AUTS2: variants seen among roughly 807,000 people sequenced by gnomAD.
AUTS2 encodes autism susceptibility gene 2 protein.
AUTS2 carries 17 observed loss-of-function variants against 112.4 expected under a neutral mutation model. The ratio of observed to expected loss-of-function variants is 0.15; its 90% CI spans 0.10 to 0.23. The LOEUF is 0.23. AUTS2 is among the 10% of genes least tolerant of loss of function. The pLI is 1.00. For synonymous variants in AUTS2, 751 were observed against 702.7 expected (o/e 1.07, Z -1.09); for missense variants, 1,510 against 1,701.6 (o/e 0.89, Z 1.98).
chr7:70,680,084 T>C (rs558971203), intron 5 of AUTS2, among the ~76,000 whole-genome samples: 3 of 152,166 alleles, frequency 2.0e-5, no homozygotes, highest in South Asian at 2.1e-4. Flanking sequence ...TGACATTTCA[T>C]TGGCTTATCA....
intron 4 of AUTS2, chr7:70,293,377 T>A (rs1442061518): frequency 1.3e-5 from 2 of 152,186 alleles, no homozygotes; most frequent in African/African-American, 2.4e-5. Flanking sequence ...TTTTTCTGGT[T>A]TATCAGTTTA....
chr7:70,609,308 G>A (rs1183783610), intron 5 of AUTS2, among the ~76,000 whole-genome samples: 2 of 151,240 alleles, frequency 1.3e-5, no homozygotes, highest in East Asian at 3.9e-4. Context: ...AGATCATGTA[G>A]TATTTATCTT....
intron 4 of AUTS2, 74 bp from the exon 5 acceptor site, chr7:70,435,678 G>C (rs982599770): frequency 6.9e-7 from 1 of 1,456,814 alleles, no homozygotes; most frequent in African/African-American, 1.4e-5. Flanking sequence ...TATGGGGGTT[G>C]GGGGAGGAGG....
chr7:69,957,055 T>C (rs1797242390), intron 2 of AUTS2, among the ~76,000 whole-genome samples: 1 of 150,444 alleles, frequency 6.6e-6, no homozygotes, highest in Admixed American at 6.6e-5. Flanking sequence ...TCTTTCTTTT[T>C]TTTTTTTTTT....
chr7:69,666,416 T>A (rs1260275724), intron 1 of AUTS2, among the ~76,000 whole-genome samples: 1 of 152,210 alleles, frequency 6.6e-6, no homozygotes, highest in Non-Finnish European at 1.5e-5. Flanking sequence ...CTATTACTCT[T>A]TTGCTTGGTG....
chr7:70,335,094 T>C (rs1790928845), intron 4 of AUTS2, among the ~76,000 whole-genome samples: 1 of 152,134 alleles, frequency 6.6e-6, no homozygotes, highest in African/African-American at 2.4e-5. Flanking sequence ...AAAGTTGTTA[T>C]GATGTGTGGG....
intron 5 of AUTS2, among the ~76,000 whole-genome samples, chr7:70,620,845 C>T (rs186524769): frequency 5.9e-5 from 9 of 152,240 alleles, no homozygotes; most frequent in African/African-American, 2.2e-4. Context: ...ACCGTCCCCT[C>T]TGGCACCAGA....
intron 12 of AUTS2, 80 bp from the exon 13 acceptor site, chr7:70,775,277 A>C: frequency 3.4e-6 from 4 of 1,168,488 alleles, no homozygotes; most frequent in South Asian, 1.3e-5. Context: ...TCCCCTCCTA[A>C]TGAAGCACTA....
rs1287453104 is a variant in AUTS2 at position 70,424,084 on chromosome 7, A to T, written c.661-11668A>T. On this transcript the variant is annotated intron_variant, in intron 4 of 18. Coordinates refer to ENST00000342771, the MANE Select transcript of AUTS2 (RefSeq NM_015570.4). ...ATCCGGTGGGGTGTGTATCATCGCC[A>T]TTCACTGGTTAAGAAAGGTAGACTC... Among the ~76,000 whole-genome samples the T allele has an allele frequency of 5.3e-5, 8 of 152,164 alleles. No individual in the cohort carries two copies. In the South Asian group the frequency reaches 1.0e-3, roughly 20 times the overall value.
intron 4 of AUTS2, among the ~76,000 whole-genome samples, chr7:70,152,379 C>T (rs755570180): frequency 1.0e-4 from 15 of 149,992 alleles, no homozygotes; most frequent in Non-Finnish European, 1.5e-4. Context: ...TATAAATAGC[C>T]AGGAAATAGT....
intron 5 of AUTS2, among the ~76,000 whole-genome samples, chr7:70,653,419 CTG>C (rs1174437570): frequency 2.0e-5 from 3 of 152,308 alleles, no homozygotes; most frequent in African/African-American, 7.2e-5. Flanking sequence ...ATGTCAGTCT[CTG>C]TGATCCTTAC....
chr7:70,599,943 A>G (rs991162650), intron 5 of AUTS2, among the ~76,000 whole-genome samples: 3 of 152,162 alleles, frequency 2.0e-5, no homozygotes, highest in East Asian at 1.9e-4. Context: ...GAGAAGCTCT[A>G]TTCTGGGTCA....
intron 1 of AUTS2, among the ~76,000 whole-genome samples, chr7:69,754,562 A>G (rs1787872258): frequency 6.6e-6 from 1 of 152,130 alleles, no homozygotes; most frequent in African/African-American, 2.4e-5. Context: ...TGAGTAGAGT[A>G]GAAATAGGAA....
chr7:70,004,088 A>G (rs909461269), intron 2 of AUTS2, among the ~76,000 whole-genome samples: 3 of 130,274 alleles, frequency 2.3e-5, no homozygotes, highest in Admixed American at 9.0e-5. Context: ...AATGTGTTAT[A>G]TGTGAATATA....
chr7:70,213,166 A>G (rs966096484), intron 4 of AUTS2, among the ~76,000 whole-genome samples: 29 of 152,048 alleles, frequency 1.9e-4, no homozygotes, highest in Non-Finnish European at 1.8e-4. Flanking sequence ...ATATCAACGA[A>G]TTTTTTTAAA....
intron 4 of AUTS2, among the ~76,000 whole-genome samples, chr7:70,338,561 GTTATT>G (rs1791101124): frequency 6.6e-6 from 1 of 152,100 alleles, no homozygotes; most frequent in Admixed American, 6.5e-5. Flanking sequence ...ATACAAGATG[GTTATT>G]TTAGTCTTCC....
chr7:70,166,075 A>G (rs983194475), intron 4 of AUTS2, among the ~76,000 whole-genome samples: 11 of 152,242 alleles, frequency 7.2e-5, no homozygotes, highest in Admixed American at 2.6e-4. Context: ...ACCTTCTGCC[A>G]TGATTATAAG....
At chr7:69,847,156 T>G (rs1792241429) in intron 1 of AUTS2, among the ~76,000 whole-genome samples, 1 of 152,184 alleles carries the variant, frequency 6.6e-6, no homozygotes, top group South Asian at 2.1e-4. Context: ...TCTTTCAAGC[T>G]GGCTTAATAG....
At chr7:69,716,971 C>G (rs1798642675) in intron 1 of AUTS2, among the ~76,000 whole-genome samples, 1 of 152,070 alleles carries the variant, frequency 6.6e-6, no homozygotes, top group African/African-American at 2.4e-5. Flanking sequence ...GACTTGTCAC[C>G]CTTCTGGAAA....
Sources: allele counts gnomAD v4.1 joint callset (sites outside exome capture counted in the v4.1 genomes callset), GRCh38; gene constraint gnomAD v4.1.1; transcripts MANE v1.5; gene names NCBI Gene and HGNC (gene_info 2026-07-23, HGNC 2026-07-21).